Variants in SORCS3 observed in about 807,000 individuals in gnomAD.
SORCS3 encodes sortilin related VPS10 domain containing receptor 3.
In SORCS3, 57 loss-of-function variants were observed where a neutral mutation model predicts 146.3. The ratio of observed to expected loss-of-function variants is 0.39; its 90% confidence interval spans 0.31 to 0.49. SORCS3 has a LOEUF of 0.49. Among genes scored for constraint, SORCS3 ranks in the 20% least tolerant of loss-of-function variants. The probability of loss-of-function intolerance (pLI) is 0.92; values close to 1 mark genes in which losing one functional copy is unlikely to be tolerated. For missense variants in SORCS3, 1,341 were observed against 1,575.5 expected (o/e 0.85, Z 2.52); for synonymous variants, 653 against 618.5 (o/e 1.06, Z -0.83).
At chr10:105,155,651 G>A (rs2056202261) in intron 9 of SORCS3, among the ~76,000 whole-genome samples, 2 of 152,200 alleles carry the variant, frequency 1.3e-5, no homozygotes, top group African/African-American at 4.8e-5. Context: ...CCCTAGATGA[G>A]CATTTGAGAT....
chr10:105,242,987 A>T (rs2056845089), intron 20 of SORCS3, among the ~76,000 whole-genome samples: 2 of 126,864 alleles, frequency 1.6e-5, no homozygotes, highest in African/African-American at 6.0e-5. Context: ...ATTATATATA[A>T]TATATATTTA....
intron 13 of SORCS3, among the ~76,000 whole-genome samples, chr10:105,176,982 C>T (rs1179364549): frequency 6.7e-6 from 1 of 149,374 alleles, no homozygotes; most frequent in Non-Finnish European, 1.5e-5. Flanking sequence ...TGTGTGTATA[C>T]ACACACACAT....
At chr10:104,661,702 C>T (rs189985145) in intron 1 of SORCS3, among the ~76,000 whole-genome samples, 29 of 133,552 alleles carry the variant, frequency 2.2e-4, no homozygotes, top group African/African-American at 5.5e-4. Flanking sequence ...GATAGATAGA[C>T]AGATAGATAG....
intron 7 of SORCS3, among the ~76,000 whole-genome samples, chr10:105,127,386 A>G (rs1468127885): frequency 6.6e-6 from 1 of 152,162 alleles, no homozygotes; most frequent in Non-Finnish European, 1.5e-5. Context: ...AGCCTAGCAA[A>G]GTGAAAAGAG....
chr10:104,877,006 G>A (rs2018582870), intron 2 of SORCS3, among the ~76,000 whole-genome samples: 1 of 151,924 alleles, frequency 6.6e-6, no homozygotes, highest in African/African-American at 2.4e-5. Context: ...GCCTGGCTAA[G>A]ATTTATATTT....
chr10:104,970,235 C>T (rs2054852352), intron 3 of SORCS3, among the ~76,000 whole-genome samples: 1 of 152,090 alleles, frequency 6.6e-6, no homozygotes, highest in African/African-American at 2.4e-5. Context: ...CAACCTCCAC[C>T]TCTAGGGTTC....
chr10:104,995,577 C>T (rs2055022248), intron 4 of SORCS3, among the ~76,000 whole-genome samples: 1 of 152,088 alleles, frequency 6.6e-6, no homozygotes, highest in Non-Finnish European at 1.5e-5. Context: ...TATATGTTTT[C>T]TATGGTTTTT....
rs1426264453 is a variant in SORCS3, at chr10:105,199,957, C to T, written c.2010-42C>T. 3 of 1,434,568 alleles carry T rather than the reference C, an allele frequency of 2.1e-6. No homozygotes were observed. In the Admixed American group the frequency reaches 5.1e-5, roughly 24 times the overall value. The allele number at this position is 1,434,568 out of a possible 1,614,324, so 88.9% of individuals were successfully genotyped here. On this transcript the variant is annotated intron_variant, in intron 14 of 26. Transcript: ENST00000369701. ...TGTGCATTAGTGACTGACTATGGGA[C>T]TTTCTCCCCTTGTGTCTCCCACTCC...
chr10:104,696,705 G>T (rs1271468553), intron 1 of SORCS3, among the ~76,000 whole-genome samples: 4 of 60,394 alleles, frequency 6.6e-5, no homozygotes, highest in Non-Finnish European at 8.6e-5. Context: ...TATTATATAC[G>T]TATATATAAT....
At chr10:105,241,889 C>A (rs1452380772) in intron 20 of SORCS3, among the ~76,000 whole-genome samples, 6 of 152,004 alleles carry the variant, frequency 3.9e-5, no homozygotes, top group Non-Finnish European at 8.8e-5. Context: ...TGTAGAAAAC[C>A]AACTAGGAAA....
intron 2 of SORCS3, among the ~76,000 whole-genome samples, chr10:104,909,145 T>A (rs1378738922): frequency 6.6e-6 from 1 of 152,142 alleles, no homozygotes; most frequent in African/African-American, 2.4e-5. Flanking sequence ...TTCATTTTGC[T>A]ATTGTGCTTG....
intron 7 of SORCS3, among the ~76,000 whole-genome samples, chr10:105,112,063 A>T (rs1476479080): frequency 3.3e-5 from 5 of 152,202 alleles, no homozygotes; most frequent in Admixed American, 1.3e-4. Context: ...TCCCCTCTTT[A>T]TAGTTGCTAG....
intron 7 of SORCS3, among the ~76,000 whole-genome samples, chr10:105,117,683 T>C (rs10884092): frequency 0.48 from 73,715 of 152,084 alleles, 18,410 homozygotes; most frequent in Non-Finnish European, 0.54. Flanking sequence ...AATCAAATTT[T>C]TTGAGCACTA....
At chr10:104,830,109 G>A (rs1311743153) in intron 1 of SORCS3, among the ~76,000 whole-genome samples, 1 of 151,954 alleles carries the variant, frequency 6.6e-6, no homozygotes, top group Non-Finnish European at 1.5e-5. Context: ...GTGTCCATGT[G>A]TTCTCATTGT....
intron 1 of SORCS3, among the ~76,000 whole-genome samples, chr10:104,721,086 C>A (rs1395454442): frequency 6.6e-6 from 1 of 152,268 alleles, no homozygotes; most frequent in East Asian, 1.9e-4. Flanking sequence ...CCTAGGTTTT[C>A]TTCTAGGGTT....
intron 7 of SORCS3, among the ~76,000 whole-genome samples, chr10:105,137,674 C>A (rs12411580): frequency 0.17 from 25,113 of 152,120 alleles, 2,409 homozygotes; most frequent in Admixed American, 0.22. Flanking sequence ...TTGGCATCAC[C>A]TGGAAATTTA....
chr10:105,240,766 A>G (rs1344878421), intron 20 of SORCS3, among the ~76,000 whole-genome samples: 1 of 152,020 alleles, frequency 6.6e-6, no homozygotes, highest in Non-Finnish European at 1.5e-5. Context: ...ACTTCCTGAA[A>G]GTCCTCTCAT....
chr10:104,983,927 A>G (rs2054946455), intron 4 of SORCS3, among the ~76,000 whole-genome samples: 1 of 152,136 alleles, frequency 6.6e-6, no homozygotes, highest in South Asian at 2.1e-4. Flanking sequence ...TTTAACATAC[A>G]TACCGAAAAG....
intron 8 of SORCS3, among the ~76,000 whole-genome samples, chr10:105,141,635 G>A (rs549630890): frequency 6.6e-5 from 10 of 152,250 alleles, no homozygotes; most frequent in African/African-American, 2.4e-4. Flanking sequence ...GGCAGAGAAT[G>A]AAATGAGTGC....
Sources: gnomAD v4.1 joint callset for allele counts (sites outside exome capture counted in the v4.1 genomes callset) on GRCh38, gnomAD v4.1.1 for gene constraint, MANE v1.5 for transcripts, NCBI Gene and HGNC (gene_info 2026-07-23, HGNC 2026-07-21) for gene names.